The following OPTN variants were observed in gnomAD, a reference collection of about 807,000 sequenced individuals.
The protein encoded by OPTN is E3-14.7K-interacting protein.
A neutral mutation model predicts 70.4 loss-of-function variants in OPTN; 54 were observed. The ratio of observed to expected loss-of-function variants is 0.77; its 90% CI spans 0.62 to 0.96. The LOEUF (loss-of-function observed/expected upper bound fraction) is 0.96, where lower values mean the gene tolerates loss of function less well. Among genes scored for constraint, OPTN ranks in the 40% least tolerant of loss-of-function variants. The pLI is 0.00. For missense variants in OPTN, 624 were observed against 673.2 expected, an observed-to-expected ratio of 0.93 and a Z score of 0.81; for synonymous variants, 256 against 248.5, an observed-to-expected ratio of 1.03 and a Z score of -0.28.
chr10:13,134,881 T>A (rs1033765389), intron 14 of OPTN, among the ~76,000 whole-genome samples: 1 of 152,184 alleles, frequency 6.6e-6, no homozygotes, highest in South Asian at 2.1e-4. Context: ...ATTCAGCAGA[T>A]ACTTTTGAGT....
At chr10:13,114,806 A>ATATAATTATATAAT (rs1564358822) in intron 5 of OPTN, among the ~76,000 whole-genome samples, 94 of 19,682 alleles carry the variant, frequency 4.8e-3, no homozygotes, top group Non-Finnish European at 0.01. Context: ...ATATATACAT[A>ATATAATTATATAAT]TATATAATTA....
At chr10:13,117,413 C>T (rs1388745846) in intron 6 of OPTN, among the ~76,000 whole-genome samples, 2 of 115,644 alleles carry the variant, frequency 1.7e-5, no homozygotes, top group Admixed American at 9.8e-5. Flanking sequence ...ATAAGAGATC[C>T]ATCTTTTTTT....
At chr10:13,107,030 A>G (rs1162266081) in intron 1 of OPTN, among the ~76,000 whole-genome samples, 1 of 152,136 alleles carries the variant, frequency 6.6e-6, no homozygotes, top group Non-Finnish European at 1.5e-5. Flanking sequence ...TCACAGTTGT[A>G]TAGTGTACAT....
intron 8 of OPTN, chr10:13,123,160 T>G (rs1472705604): frequency 6.5e-6 from 1 of 154,638 alleles, no homozygotes; most frequent in South Asian, 2.0e-4. Flanking sequence ...TTGGGTTCTA[T>G]CCCATTACTG....
At chr10:13,115,556 T>C (rs865791484) in intron 5 of OPTN, among the ~76,000 whole-genome samples, 51 of 127,320 alleles carry the variant, frequency 4.0e-4, no homozygotes, top group Non-Finnish European at 6.6e-4. Context: ...TTATACATTA[T>C]ATATTATACA....
intron 1 of OPTN, among the ~76,000 whole-genome samples, chr10:13,100,805 C>T (rs1000719830): frequency 6.6e-6 from 1 of 152,076 alleles, no homozygotes; most frequent in Admixed American, 6.5e-5. Context: ...TTGATGAGGC[C>T]GAGAACCCCA....
intron 13 of OPTN, among the ~76,000 whole-genome samples, chr10:13,132,828 AAC>A (rs1833621718): frequency 6.6e-6 from 1 of 152,236 alleles, no homozygotes; most frequent in Non-Finnish European, 1.5e-5. Context: ...AAAGTTTTAA[AAC>A]ACAGCAAAAT....
chr10:13,119,951 T>G (rs1833305214), intron 7 of OPTN, among the ~76,000 whole-genome samples: 1 of 152,120 alleles, frequency 6.6e-6, no homozygotes, highest in Admixed American at 6.5e-5. Flanking sequence ...AAGACCCTTA[T>G]TAAATATATG....
At chr10:13,115,248 T>TTTATAA (rs367912321) in intron 5 of OPTN, among the ~76,000 whole-genome samples, 7 of 102,088 alleles carry the variant, frequency 6.9e-5, no homozygotes, top group African/African-American at 2.2e-4. Context: ...TATATATATC[T>TTTATAA]ATATTTATAT....
At position 13,128,502 on chromosome 10, in the gene OPTN, C is replaced by CTTTTTTTTTTTTTTTT. The variant is rs56147136; in HGVS notation, c.1401+616_1401+631dup. 9.9e-4 allele frequency among the ~76,000 whole-genome samples: 33 copies of CTTTTTTTTTTTTTTTT among 33,472 alleles called. 4 individuals carry two copies. The highest frequency in any genetic ancestry group is 1.2e-3 in the Admixed American group (6 of 4,904). 22.0% of individuals were successfully genotyped at this position (33,472 alleles called of 152,430 possible). ...TTGTGAAGTGCCTTATCAAGCCTGC[C>CTTTTTTTTTTTTTTTT]TTTTTTTTTTTTTTTTTTTTTTTTT... On this transcript the variant is annotated intron_variant, in intron 12 of 14. Coordinates refer to ENST00000378747, the MANE Select transcript of OPTN (RefSeq NM_001008212.2).
chr10:13,126,717 T>A (rs1227307171), intron 11 of OPTN, among the ~76,000 whole-genome samples: 1 of 152,080 alleles, frequency 6.6e-6, no homozygotes, highest in Non-Finnish European at 1.5e-5. Flanking sequence ...CCTGGAATCA[T>A]CAGCCTGCAG....
intron 7 of OPTN, among the ~76,000 whole-genome samples, chr10:13,120,653 T>G (rs1239350677): frequency 6.6e-6 from 1 of 152,154 alleles, no homozygotes; most frequent in Non-Finnish European, 1.5e-5. Context: ...CTGTGTATGT[T>G]GTGATATAGG....
chr10:13,136,623 T>C lies in OPTN; in HGVS notation c.1613-122T>C, dbSNP rs1833706325. The C allele has an allele frequency of 1.2e-5, 14 of 1,152,860 alleles. No individual in the cohort carries two copies. The South Asian group carries it at 1.9e-4, about 15-fold the overall frequency. The allele number at this position is 1,152,860 out of a possible 1,614,324, so 71.4% of individuals were successfully genotyped here. A position where few individuals can be genotyped will look rare whatever the true frequency, so the allele number is the denominator to read the frequency against. ...GTTAAAGACCAAACACCTGTGCTCATGTCCCACTACGTGTTGAATACGAAG... is the reference window on the plus strand; with the variant it reads ...GTTAAAGACCAAACACCTGTGCTCACGTCCCACTACGTGTTGAATACGAAG... On this transcript the variant is annotated intron_variant, in intron 14 of 14. Coordinates refer to ENST00000378747, the MANE Select transcript of OPTN (RefSeq NM_001008212.2).
intron 5 of OPTN, among the ~76,000 whole-genome samples, chr10:13,115,509 T>C (rs1588440615): frequency 9.4e-6 from 1 of 105,890 alleles, no homozygotes; most frequent in East Asian, 2.7e-4. Flanking sequence ...ATATAGAATA[T>C]ATATAATATA....
At chr10:13,120,637 T>C (rs1478394599) in intron 7 of OPTN, among the ~76,000 whole-genome samples, 1 of 152,102 alleles carries the variant, frequency 6.6e-6, no homozygotes, top group Non-Finnish European at 1.5e-5. Flanking sequence ...CATTTTGAGT[T>C]TGTTTCTGTG....
chr10:13,125,368 GCGA>G, intron 9 of OPTN, 47 bp from the exon 10 acceptor site: 1 of 1,607,844 alleles, frequency 6.2e-7, no homozygotes, highest in Non-Finnish European at 8.5e-7. Flanking sequence ...AAAAGCCACT[GCGA>G]CGTAAAGGAG....
chr10:13,123,243 G>C (rs558745986), intron 8 of OPTN: 1 of 152,898 alleles, frequency 6.5e-6, no homozygotes, highest in East Asian at 1.9e-4. Context: ...ATTGAGAGAG[G>C]TGCCTTCGAG....
intron 9 of OPTN, among the ~76,000 whole-genome samples, chr10:13,124,747 A>G (rs749010243): frequency 2.0e-5 from 3 of 152,240 alleles, no homozygotes; most frequent in Non-Finnish European, 4.4e-5. Context: ...AGCTACAACT[A>G]AGGACTTTGG....
At position 13,118,878 on chromosome 10, in the gene OPTN, T is replaced by C. The variant is rs80327830; in HGVS notation, c.627-10T>C. On this transcript the variant is annotated splice_polypyrimidine_tract_variant and intron_variant, in intron 6 of 14. Transcript: ENST00000378747. ...TCTGATGAAAACCTTTTAACCTTTA[T>C]ACTGAACAGGGCATTGTCTAAATAT... 1.6e-3 allele frequency: 2,514 copies of C among 1,613,520 alleles called. 26 individuals are homozygous for C. In the African/African-American group the frequency reaches 0.027, roughly 17 times the overall value.
Sources: gnomAD v4.1 joint callset for allele counts (sites outside exome capture counted in the v4.1 genomes callset) on GRCh38, gnomAD v4.1.1 for gene constraint, MANE v1.5 for transcripts, NCBI Gene and HGNC (gene_info 2026-07-23, HGNC 2026-07-21) for gene names.